The following NEGR1 variants were observed in gnomAD, a reference collection of about 807,000 sequenced individuals.
NEGR1 encodes IgLON family member 4.
Under a neutral mutation model 40.9 loss-of-function variants are expected in NEGR1, and 10 were observed. The ratio of observed to expected loss-of-function variants is 0.24; its 90% CI spans 0.15 to 0.42. NEGR1 has a LOEUF of 0.42. NEGR1 is among the 10% of genes least tolerant of loss of function. The probability of loss-of-function intolerance (pLI) is 1.00; values close to 1 mark genes in which losing one functional copy is unlikely to be tolerated. For missense variants in NEGR1, 352 were observed against 438.9 expected (o/e 0.80, Z 1.77); for synonymous variants, 185 against 166.8 (o/e 1.11, Z -0.84).
chr1:71,847,620 T>A (rs1659464904), intron 2 of NEGR1, among the ~76,000 whole-genome samples: 1 of 152,220 alleles, frequency 6.6e-6, no homozygotes, highest in African/African-American at 2.4e-5. Flanking sequence ...ATGTTCTATA[T>A]GTTCTGACTG....
intron 3 of NEGR1, among the ~76,000 whole-genome samples, chr1:71,727,450 G>C (rs1368192379): frequency 6.6e-6 from 1 of 152,070 alleles, no homozygotes; most frequent in Non-Finnish European, 1.5e-5. Context: ...CATTTATTAG[G>C]AATTACTAGG....
chr1:71,449,470 G>T (rs1217735947), intron 6 of NEGR1, among the ~76,000 whole-genome samples: 3 of 152,154 alleles, frequency 2.0e-5, no homozygotes, highest in African/African-American at 7.2e-5. Context: ...TAAGTTTTTT[G>T]ATTTGGAAAA....
At chr1:71,447,443 A>G (rs1363962622) in intron 6 of NEGR1, among the ~76,000 whole-genome samples, 1 of 152,226 alleles carries the variant, frequency 6.6e-6, no homozygotes. Flanking sequence ...TTAGTCCCAT[A>G]TGATGCTATG....
intron 6 of NEGR1, among the ~76,000 whole-genome samples, chr1:71,562,809 A>G (rs1211547207): frequency 6.6e-6 from 1 of 151,990 alleles, no homozygotes; most frequent in Non-Finnish European, 1.5e-5. Flanking sequence ...TCACGTAAAC[A>G]GTTCAACTGC....
At chr1:71,639,020 T>C (rs370163618) in intron 4 of NEGR1, among the ~76,000 whole-genome samples, 1 of 151,738 alleles carries the variant, frequency 6.6e-6, no homozygotes, top group Non-Finnish European at 1.5e-5. Flanking sequence ...AAAATAAAAA[T>C]GAGAGTAGGC....
chr1:71,928,611 A>T (rs1443235754), intron 2 of NEGR1, among the ~76,000 whole-genome samples: 1 of 149,674 alleles, frequency 6.7e-6, no homozygotes, highest in Non-Finnish European at 1.5e-5. Context: ...ACTGTTTTAT[A>T]TATATATAAA....
intron 3 of NEGR1, among the ~76,000 whole-genome samples, chr1:71,710,869 A>C (rs1654056833): frequency 6.6e-6 from 1 of 152,120 alleles, no homozygotes; most frequent in Admixed American, 6.5e-5. Context: ...TATATTTTAA[A>C]TAGCTTAAAG....
chr1:71,791,712 T>C (rs1203358762), intron 2 of NEGR1, among the ~76,000 whole-genome samples: 1 of 151,994 alleles, frequency 6.6e-6, no homozygotes, highest in Non-Finnish European at 1.5e-5. Flanking sequence ...CATTAGTAAC[T>C]GTAAAGTGGA....
intron 2 of NEGR1, among the ~76,000 whole-genome samples, chr1:71,841,194 T>G (rs1042099413): frequency 6.6e-6 from 1 of 152,160 alleles, no homozygotes; most frequent in Admixed American, 6.6e-5. Flanking sequence ...AAGAATCCTA[T>G]GAGAAGAGGA....
intron 1 of NEGR1, among the ~76,000 whole-genome samples, chr1:72,121,051 G>T (rs1649784273): frequency 6.6e-6 from 1 of 152,010 alleles, no homozygotes; most frequent in East Asian, 1.9e-4. Context: ...GTGTACAGAG[G>T]TTATTTTTCT....
intron 2 of NEGR1, among the ~76,000 whole-genome samples, chr1:71,795,495 A>T (rs1018723943): frequency 6.6e-6 from 1 of 152,104 alleles, no homozygotes; most frequent in Admixed American, 6.6e-5. Flanking sequence ...ATTGCCATCT[A>T]TACTCAAGAA....
In NEGR1 at chr1:71,407,281, G is replaced by A. The variant is rs1646284370; in HGVS notation, c.*165C>T. ...AGGTAATGTAGCTAATCAAAAAAGA[G>A]TAGAATTAAAGTATTTACATAATGA... On this transcript the variant is annotated 3_prime_UTR_variant, in exon 7 of 7. Coordinates refer to ENST00000357731, the MANE Select transcript of NEGR1 (RefSeq NM_173808.3). The A allele has an allele frequency of 3.6e-6, 2 of 556,582 alleles. No individual in the cohort carries two copies. The highest frequency in any genetic ancestry group is 6.4e-6 in the Non-Finnish European group (2 of 311,560). 34.5% of individuals were successfully genotyped at this position (556,582 alleles called of 1,614,324 possible).
intron 1 of NEGR1, among the ~76,000 whole-genome samples, chr1:72,281,635 G>A (rs1357352831): frequency 6.6e-6 from 1 of 151,696 alleles, no homozygotes; most frequent in Non-Finnish European, 1.5e-5. Flanking sequence ...AAGAGAGGAG[G>A]AAAGGGGATT....
chr1:72,183,090 TAC>T (rs1465639670), intron 1 of NEGR1, among the ~76,000 whole-genome samples: 11 of 152,046 alleles, frequency 7.2e-5, no homozygotes, highest in Non-Finnish European at 1.5e-4. Flanking sequence ...TCTCCTCCAG[TAC>T]ATTGACTTAA....
At chr1:71,653,413 A>G (rs889598865) in intron 4 of NEGR1, among the ~76,000 whole-genome samples, 3 of 152,150 alleles carry the variant, frequency 2.0e-5, no homozygotes, top group African/African-American at 2.4e-5. Flanking sequence ...AAAGCTTTCC[A>G]TTTCAGAAAT....
chr1:71,468,468 T>C (rs1646760648), intron 6 of NEGR1: 1 of 152,026 alleles, frequency 6.6e-6, no homozygotes, highest in Non-Finnish European at 1.5e-5. Context: ...ACAGCATCAC[T>C]GGGGAAAGCA....
chr1:71,682,750 G>T (rs1312355569), intron 4 of NEGR1, among the ~76,000 whole-genome samples: 1 of 152,258 alleles, frequency 6.6e-6, no homozygotes, highest in Non-Finnish European at 1.5e-5. Context: ...GAGGTATTTT[G>T]GTCGTGGGGG....
chr1:72,253,649 G>T (rs1433855064), intron 1 of NEGR1, among the ~76,000 whole-genome samples: 1 of 151,998 alleles, frequency 6.6e-6, no homozygotes, highest in East Asian at 1.9e-4. Flanking sequence ...TGAAAATGAG[G>T]AATCTACAAG....
At chr1:71,722,371 C>A (rs577412672) in intron 3 of NEGR1, among the ~76,000 whole-genome samples, 2 of 151,800 alleles carry the variant, frequency 1.3e-5, no homozygotes, top group Non-Finnish European at 2.9e-5. Flanking sequence ...AATTTATCCA[C>A]GTATTATTTT....
Sources: allele counts gnomAD v4.1 joint callset (sites outside exome capture counted in the v4.1 genomes callset), GRCh38; gene constraint gnomAD v4.1.1; transcripts MANE v1.5; gene names NCBI Gene and HGNC (gene_info 2026-07-23, HGNC 2026-07-21).